The following SPMIP8 variants were observed in gnomAD, a reference collection of about 807,000 sequenced individuals.
SPMIP8 encodes sperm microtubule inner protein 8.
At chr16:57,978,625 TG>T in the SPMIP8 span, among the ~76,000 whole-genome samples, 1 of 152,102 alleles carries the variant, frequency 6.6e-6, no homozygotes, top group African/African-American at 2.4e-5. Flanking sequence ...ATTGTTGTTT[TG>T]TTTTTTGAAG....
At chr16:57,984,938 A>G in the SPMIP8 span, 12 of 1,313,814 alleles carry the variant, frequency 9.1e-6, no homozygotes, top group Non-Finnish European at 1.2e-5. Flanking sequence ...GCTGAGATGA[A>G]GCTGTGGCAC....
chr16:57,978,185 C>A, the SPMIP8 span: 2 of 851,962 alleles, frequency 2.3e-6, no homozygotes, highest in African/African-American at 3.4e-5. Flanking sequence ...CCTCTGTTTA[C>A]TGCTCAGTAC....
At chr16:57,984,869 G>T in the SPMIP8 span, 3 of 1,527,408 alleles carry the variant, frequency 2.0e-6, no homozygotes, top group Non-Finnish European at 2.6e-6. Flanking sequence ...GCTGGAGCAG[G>T]GAACGTGGAC....
At chr16:57,978,741 G>A in the SPMIP8 span, among the ~76,000 whole-genome samples, 3 of 151,830 alleles carry the variant, frequency 2.0e-5, no homozygotes, top group Admixed American at 1.3e-4. Context: ...TCAGCCTCCC[G>A]AATAGCTGGG....
At chr16:57,984,503 C>T in the SPMIP8 span, 8 of 1,513,684 alleles carry the variant, frequency 5.3e-6, no homozygotes, top group Non-Finnish European at 9.0e-7. Flanking sequence ...CATCCGGGTT[C>T]ACGACTTCGG....
chr16:57,985,816 GC>G, the SPMIP8 span: 1 of 1,478,456 alleles, frequency 6.8e-7, no homozygotes, highest in Non-Finnish European at 9.1e-7. Flanking sequence ...AGGAGGGATG[GC>G]GGGGAGAGGG....
At chr16:57,980,001 T>C in the SPMIP8 span, among the ~76,000 whole-genome samples, 1 of 152,044 alleles carries the variant, frequency 6.6e-6, no homozygotes, top group Non-Finnish European at 1.5e-5. Context: ...GAGGCGGAGG[T>C]TGCGATGAGC....
the SPMIP8 span, chr16:57,987,773 G>T: frequency 3.5e-6 from 1 of 287,512 alleles, no homozygotes; most frequent in Middle Eastern, 9.4e-4. Context: ...AGCAAGAGAT[G>T]TGCTCCAGCC....
the SPMIP8 span, among the ~76,000 whole-genome samples, chr16:57,979,996 G>A: frequency 6.6e-6 from 1 of 152,206 alleles, no homozygotes; most frequent in Non-Finnish European, 1.5e-5. Context: ...CCCGGGAGGC[G>A]GAGGTTGCGA....
At chr16:57,984,292 T>C in the SPMIP8 span, 17 of 1,614,136 alleles carry the variant, frequency 1.1e-5, no homozygotes, top group South Asian at 1.6e-4. Flanking sequence ...CCCTTTCTCT[T>C]GTTTCAACAG....
the SPMIP8 span, among the ~76,000 whole-genome samples, chr16:57,981,401 T>A: frequency 7.2e-4 from 102 of 142,580 alleles, no homozygotes; most frequent in East Asian, 6.5e-3. Flanking sequence ...TAATTATTAT[T>A]ATTATAATAA....
the SPMIP8 span, chr16:57,984,923 G>A: frequency 1.4e-6 from 2 of 1,380,464 alleles, no homozygotes; most frequent in Admixed American, 2.7e-5. Flanking sequence ...AAACAGGGCG[G>A]GGCCGCTGAG....
At chr16:57,987,359 C>T in the SPMIP8 span, 35 of 1,512,084 alleles carry the variant, frequency 2.3e-5, no homozygotes, top group Non-Finnish European at 3.1e-5. Flanking sequence ...CTAGGACACC[C>T]TGGAAACCCC....
At chr16:57,978,094 A>C in the SPMIP8 span, 1 of 1,541,148 alleles carries the variant, frequency 6.5e-7, no homozygotes, top group Non-Finnish European at 8.8e-7. Context: ...GTTTCAGGAA[A>C]GAGGGAGACA....
chr16:57,978,955 C>A, the SPMIP8 span, among the ~76,000 whole-genome samples: 1 of 152,138 alleles, frequency 6.6e-6, no homozygotes, highest in East Asian at 1.9e-4. Flanking sequence ...CAGAGGTTGA[C>A]AGGTGCAGTG....
chr16:57,980,468 T>C, the SPMIP8 span, among the ~76,000 whole-genome samples: 31 of 152,188 alleles, frequency 2.0e-4, no homozygotes, highest in African/African-American at 7.2e-4. Flanking sequence ...GACCAGTCCA[T>C]GGTTGGTGGT....
chr16:57,983,262 C>A, the SPMIP8 span, among the ~76,000 whole-genome samples: 3 of 152,092 alleles, frequency 2.0e-5, no homozygotes, highest in East Asian at 5.8e-4. Context: ...AGACTACAGG[C>A]TCGAGCCACC....
At chr16:57,984,936 G>A in the SPMIP8 span, 1 of 1,325,654 alleles carries the variant, frequency 7.5e-7, no homozygotes, top group Non-Finnish European at 1.0e-6. Context: ...CCGCTGAGAT[G>A]AAGCTGTGGC....
the SPMIP8 span, among the ~76,000 whole-genome samples, chr16:57,979,306 A>AT: frequency 6.6e-6 from 1 of 152,162 alleles, no homozygotes; most frequent in African/African-American, 2.4e-5. Flanking sequence ...GAGTTGCCAC[A>AT]TGGGCCCTAA....
Sources: gnomAD v4.1 joint callset for allele counts (sites outside exome capture counted in the v4.1 genomes callset) on GRCh38, gnomAD v4.1.1 for gene constraint, MANE v1.5 for transcripts, NCBI Gene and HGNC (gene_info 2026-07-23, HGNC 2026-07-21) for gene names.